The following EEFSEC variants were observed in gnomAD, a reference collection of about 807,000 sequenced individuals.
EEFSEC encodes selenocysteine-specific elongation factor.
Under a neutral mutation model 42.1 loss-of-function variants are expected in EEFSEC, and 43 were observed. The observed-to-expected ratio is 1.02, with a 90% CI of 0.80 to 1.32. The LOEUF is 1.32. Ranked by LOEUF, EEFSEC falls within the 40% of genes most tolerant of loss-of-function variation. EEFSEC has a pLI of 0.00. For missense variants in EEFSEC, 745 were observed against 803.6 expected, an observed-to-expected ratio of 0.93 and a Z score of 0.88; for synonymous variants, 354 against 339.1, an observed-to-expected ratio of 1.04 and a Z score of -0.48.
At chr3:128,241,734 T>A (rs149307308) in intron 1 of EEFSEC, among the ~76,000 whole-genome samples, 1,565 of 152,334 alleles carry the variant, frequency 0.01, 30 homozygotes, top group African/African-American at 0.035. Context: ...TAATAGCAGA[T>A]GTAGAAGTGA....
At chr3:128,173,031 C>G (rs2065314599) in intron 1 of EEFSEC, among the ~76,000 whole-genome samples, 1 of 152,206 alleles carries the variant, frequency 6.6e-6, no homozygotes, top group Non-Finnish European at 1.5e-5. Context: ...TTTAATTGAT[C>G]AGTGGCATTT....
At chr3:128,353,906 G>A (rs868373888) in intron 5 of EEFSEC, among the ~76,000 whole-genome samples, 11 of 152,188 alleles carry the variant, frequency 7.2e-5, no homozygotes, top group African/African-American at 7.2e-5. Context: ...GGACACTGCC[G>A]CTCACCTGCT....
intron 4 of EEFSEC, among the ~76,000 whole-genome samples, chr3:128,268,473 T>A (rs1369066886): frequency 1.3e-5 from 2 of 152,164 alleles, no homozygotes; most frequent in African/African-American, 2.4e-5. Context: ...GAGGGTAGAC[T>A]ATAGTAGGTT....
downstream of EEFSEC, among the ~76,000 whole-genome samples, chr3:128,411,722 TC>T (rs2068175025): frequency 6.6e-6 from 1 of 152,240 alleles, no homozygotes; most frequent in Non-Finnish European, 1.5e-5. Context: ...TCTGGAAATG[TC>T]CCTGGAATCG....
At chr3:128,349,948 C>A (rs940316733) in intron 5 of EEFSEC, among the ~76,000 whole-genome samples, 5 of 152,220 alleles carry the variant, frequency 3.3e-5, no homozygotes, top group Non-Finnish European at 7.3e-5. Context: ...CCTGGGTTCC[C>A]AGCTAGGGTG....
intron 4 of EEFSEC, among the ~76,000 whole-genome samples, chr3:128,340,560 A>G (rs1483449968): frequency 6.6e-6 from 1 of 152,168 alleles, no homozygotes; most frequent in African/African-American, 2.4e-5. Context: ...CTGGCACACA[A>G]TAGGCACTCT....
At chr3:128,223,879 AACGGGATATT>A (rs1261227814) in intron 1 of EEFSEC, among the ~76,000 whole-genome samples, 1 of 74,432 alleles carries the variant, frequency 1.3e-5, no homozygotes, top group Non-Finnish European at 3.2e-5. Flanking sequence ...AAGATATAAA[AACGGGATATT>A]TTGTATTTTG....
chr3:128,269,853 T>C (rs114456705), intron 4 of EEFSEC, among the ~76,000 whole-genome samples: 208 of 152,388 alleles, frequency 1.4e-3, no homozygotes, highest in African/African-American at 4.4e-3. Flanking sequence ...GAAATCCCTC[T>C]GATAAGATTT....
chr3:128,414,856 G>A, the EEFSEC span, among the ~76,000 whole-genome samples: 922 of 152,300 alleles, frequency 6.1e-3, 9 homozygotes, highest in African/African-American at 0.021. Flanking sequence ...GGAATGGGGT[G>A]CGAGTGGGGC....
chr3:128,229,945 A>G (rs1006740853), intron 1 of EEFSEC, among the ~76,000 whole-genome samples: 3 of 151,896 alleles, frequency 2.0e-5, no homozygotes, highest in African/African-American at 7.3e-5. Context: ...CCAGCCCTGG[A>G]GGGTTTCCTT....
At chr3:128,313,236 A>G (rs577819408) in intron 4 of EEFSEC, among the ~76,000 whole-genome samples, 2 of 152,202 alleles carry the variant, frequency 1.3e-5, no homozygotes, top group South Asian at 2.1e-4. Context: ...TCTCCTGCCA[A>G]CATCCAATTG....
At chr3:128,383,051 C>T (rs2067796152) in intron 6 of EEFSEC, among the ~76,000 whole-genome samples, 1 of 152,192 alleles carries the variant, frequency 6.6e-6, no homozygotes, top group African/African-American at 2.4e-5. Flanking sequence ...TCCCTGCCCC[C>T]AGTTCCTCAG....
Position 128,153,553 on chromosome 3 carries a change from A to G in EEFSEC, c.46A>G (p.Ile16Val). The change falls in exon 1 of 7, where the codon ATC becomes GTC. Residue 16 changes from isoleucine to valine, a missense_variant. Transcript: ENST00000254730. The part of the protein sequence containing the change: ...VNVNVGVLGH[I>V]DSGKTALARA... ...CGTGAACGTGGGCGTGCTGGGCCACATCGACAGCGGCAAGACGGCGCTGGC... is the reference window on the plus strand; with the variant it reads ...CGTGAACGTGGGCGTGCTGGGCCACGTCGACAGCGGCAAGACGGCGCTGGC... 1.3e-6 allele frequency: 2 copies of G among 1,531,326 alleles called. No homozygotes were observed. The highest frequency in any genetic ancestry group is 1.7e-6 in the Non-Finnish European group (2 of 1,145,480). The allele number at this position is 1,531,326 out of a possible 1,614,324, so 94.9% of individuals were successfully genotyped here. A position where few individuals can be genotyped will look rare whatever the true frequency, so the allele number is the denominator to read the frequency against.
At chr3:128,337,385 G>A (rs919940299) in intron 4 of EEFSEC, among the ~76,000 whole-genome samples, 4 of 152,212 alleles carry the variant, frequency 2.6e-5, no homozygotes, top group African/African-American at 9.6e-5. Context: ...CACAAGCCCT[G>A]TTGAAAAGAG....
At chr3:128,239,231 G>A (rs1313154857) in intron 1 of EEFSEC, among the ~76,000 whole-genome samples, 2 of 152,290 alleles carry the variant, frequency 1.3e-5, no homozygotes, top group East Asian at 1.9e-4. Flanking sequence ...CCATGCTGCC[G>A]TTAATACTCT....
At chr3:128,170,777 C>T (rs937779089) in intron 1 of EEFSEC, among the ~76,000 whole-genome samples, 3 of 152,070 alleles carry the variant, frequency 2.0e-5, no homozygotes, top group South Asian at 2.1e-4. Context: ...TTTGTAGGTT[C>T]GTTAATAGTT....
At chr3:128,342,324 A>G (rs762494004) in intron 5 of EEFSEC, among the ~76,000 whole-genome samples, 2 of 152,206 alleles carry the variant, frequency 1.3e-5, no homozygotes, top group Non-Finnish European at 2.9e-5. Context: ...GGATCTGCCC[A>G]TGTGCCCCTG....
intron 4 of EEFSEC, among the ~76,000 whole-genome samples, chr3:128,269,914 G>A (rs1359487315): frequency 1.3e-5 from 2 of 152,192 alleles, no homozygotes; most frequent in Non-Finnish European, 2.9e-5. Flanking sequence ...TGGCTATCAG[G>A]GTTGTAACAT....
intron 1 of EEFSEC, among the ~76,000 whole-genome samples, chr3:128,209,456 CTGGGAGAACTCCTT>C (rs1431700732): frequency 1.3e-5 from 2 of 152,188 alleles, no homozygotes; most frequent in African/African-American, 4.8e-5. Context: ...GGGCCAGCTT[CTGGGAGAACTCCTT>C]TGGGTGCTAG....
Sources: gnomAD v4.1 joint callset for allele counts (sites outside exome capture counted in the v4.1 genomes callset) on GRCh38, gnomAD v4.1.1 for gene constraint, MANE v1.5 for transcripts, NCBI Gene and HGNC (gene_info 2026-07-23, HGNC 2026-07-21) for gene names.